Variants in SMIM13 observed in about 807,000 individuals in gnomAD.
SMIM13 encodes the protein small integral membrane protein 13, also known as UPF0766 protein C6orf228.
In SMIM13, 3 loss-of-function variants were observed where a neutral mutation model predicts 5.9. The observed-to-expected ratio is 0.51, with a 90% CI of 0.23 to 1.31. The LOEUF (loss-of-function observed/expected upper bound fraction) is 1.31. SMIM13 is among the 40% of genes most tolerant of loss of function. The pLI is 0.18. For synonymous variants in SMIM13, 55 were observed against 46.0 expected (o/e 1.19, Z -0.79); for missense variants, 85 against 109.9 (o/e 0.77, Z 1.01).
chr6:11,111,907 TC>T (rs935863799), intron 1 of SMIM13, among the ~76,000 whole-genome samples: 2 of 152,120 alleles, frequency 1.3e-5, no homozygotes, highest in African/African-American at 4.8e-5. Flanking sequence ...GAGACATTTT[TC>T]CCTTATCAGT....
At chr6:11,100,992 T>C (rs1181700944) in intron 1 of SMIM13, among the ~76,000 whole-genome samples, 2 of 152,016 alleles carry the variant, frequency 1.3e-5, no homozygotes, top group African/African-American at 2.4e-5. Flanking sequence ...GTGGAGAAAT[T>C]TTCTACTAGA....
At chr6:11,124,499 A>AG (rs938266857) in intron 1 of SMIM13, among the ~76,000 whole-genome samples, 1 of 152,058 alleles carries the variant, frequency 6.6e-6, no homozygotes, top group African/African-American at 2.4e-5. Context: ...TCCTTTTTTT[A>AG]GGGGGGTAGG....
chr6:11,124,144 C>T (rs1207808844), intron 1 of SMIM13, among the ~76,000 whole-genome samples: 2 of 152,166 alleles, frequency 1.3e-5, no homozygotes, highest in Non-Finnish European at 2.9e-5. Flanking sequence ...CATTCCCACT[C>T]CCTGCCCCTT....
chr6:11,138,530 A>G lies in SMIM13; in HGVS notation c.*3928A>G, dbSNP rs540135778. ...TGCATTGCCATCTTGCTGCTTGACA[A>G]TAGGTTTATAAATAATTAGAATTAC... is the stretch of plus-strand genomic sequence containing the variant. On this transcript the variant is annotated 3_prime_UTR_variant, in exon 2 of 2. Coordinates refer to ENST00000416247, the MANE Select transcript of SMIM13 (RefSeq NM_001135575.2). 5.3e-5 allele frequency: 8 copies of G among 151,992 alleles called. No homozygotes were observed. Among genetic ancestry groups the G allele is most frequent in the African/African-American group, 1.7e-4 (7 of 41,410 alleles). The allele number at this position is 151,992 out of a possible 1,614,324, so 9.4% of individuals were successfully genotyped here. A position where few individuals can be genotyped will look rare whatever the true frequency, so the allele number is the denominator to read the frequency against.
chr6:11,105,671 A>G (rs1000019683), intron 1 of SMIM13: 4 of 198,164 alleles, frequency 2.0e-5, no homozygotes, highest in Non-Finnish European at 4.6e-5. Context: ...GGCCCTTTCA[A>G]ATAGGAGTTT....
chr6:11,132,113 G>T (rs1035345865), intron 1 of SMIM13, among the ~76,000 whole-genome samples: 2 of 152,000 alleles, frequency 1.3e-5, no homozygotes. Flanking sequence ...ATGAGCAAAA[G>T]AAATGAATAG....
At chr6:11,118,347 A>T (rs1758267717) in intron 1 of SMIM13, among the ~76,000 whole-genome samples, 1 of 152,172 alleles carries the variant, frequency 6.6e-6, no homozygotes, top group South Asian at 2.1e-4. Context: ...ATATAGTAGG[A>T]CTCTTCAGAG....
chr6:11,101,742 CTTT>C (rs70991083), intron 1 of SMIM13, among the ~76,000 whole-genome samples: 3 of 139,228 alleles, frequency 2.2e-5, no homozygotes, highest in Admixed American at 1.4e-4. Flanking sequence ...TTAAGCAATT[CTTT>C]TTTTTTTTTT....
intron 1 of SMIM13, among the ~76,000 whole-genome samples, chr6:11,120,877 G>C (rs562296204): frequency 5.3e-5 from 8 of 152,306 alleles, no homozygotes; most frequent in African/African-American, 1.9e-4. Flanking sequence ...ACTGATAACT[G>C]TGTAATTGAA....
chr6:11,098,247 C>A (rs910190605), intron 1 of SMIM13, among the ~76,000 whole-genome samples: 2 of 152,198 alleles, frequency 1.3e-5, no homozygotes, highest in African/African-American at 4.8e-5. Flanking sequence ...TGCTTTCTCA[C>A]CTCTCATTCA....
intron 1 of SMIM13, among the ~76,000 whole-genome samples, chr6:11,111,370 A>C (rs1758163933): frequency 6.6e-6 from 1 of 152,184 alleles, no homozygotes; most frequent in South Asian, 2.1e-4. Context: ...TTTAGTTGAA[A>C]AAGCAGAGGA....
At chr6:11,094,939 A>C (rs1347792601) in intron 1 of SMIM13, among the ~76,000 whole-genome samples, 2 of 152,196 alleles carry the variant, frequency 1.3e-5, no homozygotes, top group Non-Finnish European at 2.9e-5. Flanking sequence ...CGGGTAACCT[A>C]ACTCTCAGTT....
intron 1 of SMIM13, among the ~76,000 whole-genome samples, chr6:11,115,509 C>A (rs1281997688): frequency 1.3e-5 from 2 of 152,084 alleles, no homozygotes; most frequent in East Asian, 3.8e-4. Flanking sequence ...AAGGTTTTTA[C>A]CTAATTGAGT....
intron 1 of SMIM13, among the ~76,000 whole-genome samples, chr6:11,118,932 G>A (rs1201476419): frequency 1.3e-5 from 2 of 152,140 alleles, no homozygotes; most frequent in Non-Finnish European, 1.5e-5. Flanking sequence ...TGCCGAAGTC[G>A]GAAATAAGTT....
At chr6:11,117,375 A>G (rs1462779686) in intron 1 of SMIM13, among the ~76,000 whole-genome samples, 1 of 146,248 alleles carries the variant, frequency 6.8e-6, no homozygotes, top group Non-Finnish European at 1.5e-5. Flanking sequence ...ACGGGGTTTC[A>G]CCAGGTGGCC....
At chr6:11,099,933 C>T (rs891870300) in intron 1 of SMIM13, among the ~76,000 whole-genome samples, 4 of 152,184 alleles carry the variant, frequency 2.6e-5, no homozygotes, top group African/African-American at 9.6e-5. Flanking sequence ...TTATTCTCTG[C>T]TGGTTAAATA....
chr6:11,118,056 A>G (rs1758264448), intron 1 of SMIM13, among the ~76,000 whole-genome samples: 1 of 152,084 alleles, frequency 6.6e-6, no homozygotes, highest in Admixed American at 6.5e-5. Flanking sequence ...TTTTTAGTAG[A>G]GATGGGGTTT....
At chr6:11,105,150 G>A in intron 1 of SMIM13, 1 of 1,614,204 alleles carries the variant, frequency 6.2e-7, no homozygotes, top group Non-Finnish European at 8.5e-7. Flanking sequence ...AGCTGTCCCT[G>A]GTGTTTCAGT....
intron 1 of SMIM13, among the ~76,000 whole-genome samples, chr6:11,118,232 A>T (rs1461606182): frequency 6.6e-6 from 1 of 152,188 alleles, no homozygotes; most frequent in Non-Finnish European, 1.5e-5. Context: ...TTTTTCTGCT[A>T]TTGATTGAAA....
Sources: allele counts gnomAD v4.1 joint callset (sites outside exome capture counted in the v4.1 genomes callset), GRCh38; gene constraint gnomAD v4.1.1; transcripts MANE v1.5; gene names NCBI Gene and HGNC (gene_info 2026-07-23, HGNC 2026-07-21).